Variants in FMNL2 observed in about 807,000 individuals in gnomAD.
FMNL2 encodes the protein formin like 2.
A neutral mutation model predicts 130.2 loss-of-function variants in FMNL2; 51 were observed. The observed-to-expected ratio is 0.39, with a 90% CI of 0.31 to 0.49. The LOEUF is 0.49. FMNL2 is among the 20% of genes least tolerant of loss of function. The pLI, the probability that FMNL2 is intolerant of heterozygous loss-of-function variation, is 0.85. For missense variants in FMNL2, 977 were observed against 1,316.2 expected, an observed-to-expected ratio of 0.74 and a Z score of 3.99; for synonymous variants, 465 against 467.1, an observed-to-expected ratio of 1.00 and a Z score of 0.06.
At chr2:152,484,714 A>T (rs1690721134) in intron 1 of FMNL2, among the ~76,000 whole-genome samples, 1 of 150,542 alleles carries the variant, frequency 6.6e-6, no homozygotes, top group South Asian at 2.1e-4. Context: ...GTGAGCCATG[A>T]TGGTGCCCCT....
At chr2:152,555,372 A>G (rs755881544) in intron 4 of FMNL2, among the ~76,000 whole-genome samples, 1 of 152,192 alleles carries the variant, frequency 6.6e-6, no homozygotes, top group Non-Finnish European at 1.5e-5. Context: ...AGTTCCCAAC[A>G]TATGTCTGTA....
intron 1 of FMNL2, among the ~76,000 whole-genome samples, chr2:152,515,346 T>C (rs572070584): frequency 6.6e-6 from 1 of 152,298 alleles, no homozygotes; most frequent in South Asian, 2.1e-4. Flanking sequence ...CTTGATTTGT[T>C]ATTTGGCAGA....
intron 9 of FMNL2, among the ~76,000 whole-genome samples, chr2:152,584,957 T>G (rs866279047): frequency 6.6e-6 from 1 of 151,550 alleles, no homozygotes; most frequent in African/African-American, 2.4e-5. Context: ...ATGGTGGGGG[T>G]GGGATTGGGG....
intron 1 of FMNL2, among the ~76,000 whole-genome samples, chr2:152,413,948 TC>T (rs1375104076): frequency 6.6e-6 from 1 of 152,248 alleles, no homozygotes; most frequent in Non-Finnish European, 1.5e-5. Flanking sequence ...GAGTTGTTCT[TC>T]TTCCTCACTG....
At chr2:152,379,249 A>T (rs1684331893) in intron 1 of FMNL2, among the ~76,000 whole-genome samples, 1 of 152,128 alleles carries the variant, frequency 6.6e-6, no homozygotes, top group Non-Finnish European at 1.5e-5. Context: ...AGGTGCTGGG[A>T]TGTGGAAGCT....
At chr2:152,548,285 C>T (rs1459465438) in intron 3 of FMNL2, among the ~76,000 whole-genome samples, 2 of 152,184 alleles carry the variant, frequency 1.3e-5, no homozygotes, top group Non-Finnish European at 2.9e-5. Flanking sequence ...TAGCAAAGGG[C>T]CTGCCTGCAA....
intron 1 of FMNL2, among the ~76,000 whole-genome samples, chr2:152,408,268 C>CA (rs1175445110): frequency 6.6e-6 from 1 of 152,172 alleles, no homozygotes; most frequent in African/African-American, 2.4e-5. Flanking sequence ...CTTTTAAACA[C>CA]AATGAATTCT....
At chr2:152,430,601 G>C (rs1687442308) in intron 1 of FMNL2, among the ~76,000 whole-genome samples, 1 of 152,142 alleles carries the variant, frequency 6.6e-6, no homozygotes, top group Non-Finnish European at 1.5e-5. Flanking sequence ...GGCCATGCAC[G>C]GTGGCTCACG....
rs144296545 is a variant in FMNL2 at position 152,570,692 on chromosome 2, A to C, written c.597-4444A>C. Among the ~76,000 whole-genome samples, 924 of 152,256 alleles carry C rather than the reference A, an allele frequency of 6.1e-3. 10 individuals carry two copies. Among genetic ancestry groups the C allele is most frequent in the African/African-American group, 0.021 (891 of 41,544 alleles). ...CTTTCCAATCCTCACATCTCAGGGA[A>C]CCTTCCCCAAGTCACCAGAGAGACC... On this transcript the variant is annotated intron_variant, in intron 6 of 25. Coordinates refer to ENST00000288670, the MANE Select transcript of FMNL2 (RefSeq NM_052905.4).
At chr2:152,553,718 C>T (rs1695058720) in intron 4 of FMNL2, among the ~76,000 whole-genome samples, 1 of 150,822 alleles carries the variant, frequency 6.6e-6, no homozygotes, top group Admixed American at 6.6e-5. Flanking sequence ...AATTTAAATA[C>T]ATATAAAATA....
chr2:152,581,238 A>AATT (rs1259979074), intron 9 of FMNL2, among the ~76,000 whole-genome samples, 189 bp downstream of exon 9: 1 of 152,254 alleles, frequency 6.6e-6, no homozygotes, highest in African/African-American at 2.4e-5. Context: ...ATAAGTTAAA[A>AATT]ATAATCACAG....
chr2:152,589,940 C>CTTATATATAT (rs1697295370), intron 9 of FMNL2, among the ~76,000 whole-genome samples: 1 of 67,042 alleles, frequency 1.5e-5, no homozygotes, highest in Non-Finnish European at 2.8e-5. Flanking sequence ...TGGCTTTATA[C>CTTATATATAT]ATATATATAT....
Position 152,338,836 on chromosome 2 carries a change from C to CACACACACACATAA in FMNL2, c.117+3127_117+3128insTAAACACACACACA, listed in dbSNP as rs1334425242. ...AAGGTGAGATACACACACACACACA[C>CACACACACACATAA]ACACACACACACACACATATATGCA... On this transcript the variant is annotated intron_variant, in intron 1 of 25. Transcript: ENST00000288670. Among the ~76,000 whole-genome samples, 1,217 of 151,436 alleles carry CACACACACACATAA rather than the reference C, an allele frequency of 8.0e-3. 24 individuals carry two copies. The highest frequency in any genetic ancestry group is 0.028 in the African/African-American group (1,140 of 41,334).
Position 152,619,557 on chromosome 2 carries a change from C to CAT in FMNL2, c.1676_1677insAT (p.Pro560PhefsTer29). 1 of 1,495,478 alleles carries CAT rather than the reference C, an allele frequency of 6.7e-7. No homozygotes were observed. Among genetic ancestry groups the CAT allele is most frequent in the Non-Finnish European group, 9.1e-7 (1 of 1,103,988 alleles). The allele number at this position is 1,495,478 out of a possible 1,614,324, so 92.6% of individuals were successfully genotyped here. On this transcript the variant is annotated frameshift_variant, in exon 15 of 26. Transcript: ENST00000288670. LOFTEE classifies it high-confidence loss of function. ...CCTATGCCACCGCCGCCGCCGCCCC[C>CAT]TCCTCCACCTCCTCCTCCCCCACCG... is the stretch of plus-strand genomic sequence containing the variant.
chr2:152,531,258 A>G (rs1052495156), intron 2 of FMNL2, among the ~76,000 whole-genome samples: 2 of 152,152 alleles, frequency 1.3e-5, no homozygotes, highest in Non-Finnish European at 2.9e-5. Flanking sequence ...GTCCTCAGCA[A>G]TGACCCATTT....
intron 5 of FMNL2, among the ~76,000 whole-genome samples, chr2:152,559,856 A>G (rs1695428617): frequency 6.6e-6 from 1 of 152,218 alleles, no homozygotes; most frequent in Non-Finnish European, 1.5e-5. Context: ...TACCTCCTGC[A>G]GCCAAAGGCA....
intron 1 of FMNL2, among the ~76,000 whole-genome samples, chr2:152,463,427 C>G (rs1689357609): frequency 6.6e-6 from 1 of 152,086 alleles, no homozygotes; most frequent in African/African-American, 2.4e-5. Flanking sequence ...GGATTAGAAC[C>G]AAGGTGGTTT....
At chr2:152,564,776 GTTTTTTTT>G (rs56378937) in intron 6 of FMNL2, among the ~76,000 whole-genome samples, 2 of 79,324 alleles carry the variant, frequency 2.5e-5, no homozygotes, top group South Asian at 5.2e-4. Context: ...TACAAGGTTG[GTTTTTTTT>G]TTTTTTTTTT....
chr2:152,645,729 G>GTATC (rs71394494), intron 25 of FMNL2, among the ~76,000 whole-genome samples: 1 of 152,004 alleles, frequency 6.6e-6, no homozygotes, highest in Non-Finnish European at 1.5e-5. Flanking sequence ...TTGGGCAAGG[G>GTATC]TATTTGCTGA....
Sources: gnomAD v4.1 joint callset for allele counts (sites outside exome capture counted in the v4.1 genomes callset) on GRCh38, gnomAD v4.1.1 for gene constraint, MANE v1.5 for transcripts, NCBI Gene and HGNC (gene_info 2026-07-23, HGNC 2026-07-21) for gene names.